The following ACTN1 variants were observed in gnomAD, a reference collection of about 807,000 sequenced individuals.
The protein encoded by ACTN1 is alpha-actinin-1.
Under a neutral mutation model 119.6 loss-of-function variants are expected in ACTN1, and 30 were observed. That is an observed-to-expected ratio of 0.25 (90% confidence interval 0.19 to 0.34). ACTN1 has a LOEUF of 0.34. Ranked by LOEUF, ACTN1 falls within the 10% of genes least tolerant of loss-of-function variation. The probability of loss-of-function intolerance (pLI) is 1.00; values close to 1 mark genes in which losing one functional copy is unlikely to be tolerated. For missense variants in ACTN1, 764 were observed against 1,223.4 expected (o/e 0.62, Z 5.60); for synonymous variants, 429 against 472.6 (o/e 0.91, Z 1.20).
chr14:68,883,024 G>A lies in ACTN1; in HGVS notation c.1667C>T (p.Ala556Val), dbSNP rs995103995. The change falls in exon 15 of 22, where the codon GCC becomes GTC. Residue 556 changes from alanine (A) to valine (V), a missense_variant. Ala to Val is a moderately conservative substitution (Grantham distance 64). Transcript: ENST00000394419. ...CTCCTTGTCGGCATCAGGGAGGGTG[G>A]CCTTGAACTGCTCATGGGCTGTGGT... is the stretch of plus-strand genomic sequence containing the variant. ...GLTTAHEQFK[A>V]TLPDADKERL... 6.2e-7 allele frequency: 1 copy of A among 1,614,206 alleles called. No homozygotes were observed. The highest frequency in any genetic ancestry group is 1.1e-5 in the South Asian group (1 of 91,088).
intron 8 of ACTN1, among the ~76,000 whole-genome samples, chr14:68,899,207 C>T (rs2033118407): frequency 7.0e-6 from 1 of 142,478 alleles, no homozygotes; most frequent in African/African-American, 2.6e-5. Flanking sequence ...ACACTATACC[C>T]CTCCACACCA....
rs1334365813 is a variant in ACTN1 at position 68,880,163 on chromosome 14, C to T, written c.2134-55G>A. The T allele has an allele frequency of 3.2e-6, 5 of 1,586,184 alleles. No homozygotes were observed. Among genetic ancestry groups the T allele is most frequent in the South Asian group, 2.3e-5 (2 of 88,780 alleles). The stretch of plus-strand genomic sequence containing the variant: ...AGGGGTCCCAGGCCTGGGCTCCTGG[C>T]GGCCCCTGCCCATCCTACTCCCCAA... On this transcript the variant is annotated intron_variant, in intron 17 of 21. Transcript: ENST00000394419. This position sits in a 1 kb window ranked among gnomAD's most constrained non-coding sequence, Gnocchi z 4.6.
At chr14:68,966,389 T>C (rs570582406) in intron 1 of ACTN1, among the ~76,000 whole-genome samples, 54 of 151,986 alleles carry the variant, frequency 3.6e-4, no homozygotes, top group Non-Finnish European at 2.1e-4. Context: ...CATCCTACCA[T>C]CCAATTTCTC....
chr14:68,904,312 G>C (rs1480522598), intron 7 of ACTN1, among the ~76,000 whole-genome samples: 1 of 152,048 alleles, frequency 6.6e-6, no homozygotes, highest in Non-Finnish European at 1.5e-5. Flanking sequence ...TCTCAGCAAG[G>C]GAAACTTCCC....
At chr14:68,913,911 G>T (rs2034144185) in intron 3 of ACTN1, among the ~76,000 whole-genome samples, 2 of 152,134 alleles carry the variant, frequency 1.3e-5, no homozygotes, top group South Asian at 4.2e-4. Flanking sequence ...TTGTGGGGAG[G>T]TAGTACTACT....
intron 20 of ACTN1, chr14:68,877,473 T>G: frequency 1.9e-6 from 1 of 525,992 alleles, no homozygotes; most frequent in Non-Finnish European, 3.4e-6. Flanking sequence ...TTAGAGCAAA[T>G]AATCATGTTG....
intron 8 of ACTN1, among the ~76,000 whole-genome samples, chr14:68,901,881 G>A (rs1325663938): frequency 6.6e-6 from 1 of 152,216 alleles, no homozygotes; most frequent in Non-Finnish European, 1.5e-5. Flanking sequence ...CTTCCTCCCA[G>A]AGGTTCTGCT....
intron 21 of ACTN1, among the ~76,000 whole-genome samples, chr14:68,875,338 A>T (rs1485839042): frequency 6.6e-6 from 1 of 152,254 alleles, no homozygotes; most frequent in African/African-American, 2.4e-5. Flanking sequence ...GTGCTGGAGC[A>T]GTATCAGCAG....
chr14:68,901,408 C>T (rs1426177861), intron 8 of ACTN1, among the ~76,000 whole-genome samples: 5 of 151,882 alleles, frequency 3.3e-5, no homozygotes, highest in Non-Finnish European at 5.9e-5. Context: ...CTATCACACC[C>T]GGCTAATTTT....
intron 1 of ACTN1, among the ~76,000 whole-genome samples, chr14:68,960,762 AAAATT>A (rs1300163487): frequency 6.6e-6 from 1 of 151,984 alleles, no homozygotes; most frequent in Non-Finnish European, 1.5e-5. Flanking sequence ...AAAAAAAAAA[AAAATT>A]AAACAACAAA....
chr14:68,890,279 T>A lies in ACTN1; in HGVS notation c.1094A>T (p.Asn365Ile), dbSNP rs751585726. 6.2e-7 allele frequency: 1 copy of A among 1,614,166 alleles called. No homozygotes were observed. The highest frequency in any genetic ancestry group is 8.5e-7 in the Non-Finnish European group (1 of 1,180,006). Residue 365 changes from asparagine to isoleucine, a missense_variant, in exon 11 of 22, where the codon AAC (asparagine) becomes ATC (isoleucine). Asn to Ile is a moderately radical substitution (Grantham distance 149). This residue lies in a region of ACTN1 where 544 missense variants were observed against 912.0 expected (regional missense o/e 0.60). Coordinates refer to ENST00000394419, the MANE Select transcript of ACTN1 (RefSeq NM_001130004.2). ...PSEGRMVSDI[N>I]NAWGCLEQVE... Reference sequence around the variant, plus strand: ...CTGCTCCAGGCAGCCCCAGGCATTGTTGATGTCCTGTGGGGATGGGAGGTA... The same window carrying A: ...CTGCTCCAGGCAGCCCCAGGCATTGATGATGTCCTGTGGGGATGGGAGGTA...
intron 1 of ACTN1, chr14:68,978,086 C>G (rs1445101026): frequency 1.8e-5 from 8 of 455,140 alleles, no homozygotes; most frequent in Non-Finnish European, 3.5e-5. Context: ...TGGCGGGGCG[C>G]GCACCCGGCA....
chr14:68,881,863 G>C (rs2031540241), intron 16 of ACTN1, among the ~76,000 whole-genome samples: 1 of 151,638 alleles, frequency 6.6e-6, no homozygotes, highest in Non-Finnish European at 1.5e-5. Flanking sequence ...TGATCAACAA[G>C]AGACATCAAG....
In ACTN1 at chr14:68,905,993, A is replaced by C. The variant is rs555428893; in HGVS notation, c.595-1257T>G. Among the ~76,000 whole-genome samples the C allele has an allele frequency of 9.2e-5, 14 of 152,016 alleles. No individual in the cohort carries two copies. In the South Asian group the frequency reaches 2.1e-3, roughly 23 times the overall value. On this transcript the variant is annotated intron_variant, in intron 6 of 21. Transcript: ENST00000394419. Reference sequence around the variant, plus strand: ...GCAAGACCTCGTCTCAAAAAAAAAAAAAAAAACAGCAAACACCATATGGCT... The same window carrying C: ...GCAAGACCTCGTCTCAAAAAAAAAACAAAAAACAGCAAACACCATATGGCT...
rs143571896 is a variant in ACTN1 at position 68,932,886 on chromosome 14, CCT to C, written c.106-7216_106-7215del. Among the ~76,000 whole-genome samples the C allele has an allele frequency of 5.8e-3, 878 of 152,254 alleles. 8 individuals carry two copies. The highest frequency in any genetic ancestry group is 0.02 in the African/African-American group (820 of 41,522). ...CAAGCTATGACAAGCAAAATTCACC[CCT>C]CAGTTCCTCATCTGGAGGAGACAAA... On this transcript the variant is annotated intron_variant, in intron 1 of 21. Coordinates refer to ENST00000394419, the MANE Select transcript of ACTN1 (RefSeq NM_001130004.2).
At chr14:68,946,661 T>C (rs2035957965) in intron 1 of ACTN1, among the ~76,000 whole-genome samples, 1 of 152,128 alleles carries the variant, frequency 6.6e-6, no homozygotes, top group Non-Finnish European at 1.5e-5. Flanking sequence ...AGGCCCCACA[T>C]GCTCACTGGG....
chr14:68,933,527 G>A (rs1363908011), intron 1 of ACTN1, among the ~76,000 whole-genome samples: 1 of 152,154 alleles, frequency 6.6e-6, no homozygotes, highest in Non-Finnish European at 1.5e-5. Context: ...TGGCTATCCT[G>A]AAATACAAGT....
chr14:68,899,148 C>T, intron 8 of ACTN1, among the ~76,000 whole-genome samples: 1 of 147,398 alleles, frequency 6.8e-6, no homozygotes, highest in Non-Finnish European at 1.5e-5. Context: ...CCTCACCCTA[C>T]ACCTCACACC....
intron 1 of ACTN1, among the ~76,000 whole-genome samples, chr14:68,938,593 C>G (rs1001727959): frequency 1.2e-4 from 18 of 152,172 alleles, no homozygotes; most frequent in Non-Finnish European, 2.5e-4. Flanking sequence ...AATGTTAACC[C>G]AGCAGGTCCT....
Sources: allele counts gnomAD v4.1 joint callset (sites outside exome capture counted in the v4.1 genomes callset), GRCh38; gene constraint gnomAD v4.1.1; regional missense constraint gnomAD v4.1.1; non-coding constraint Gnocchi (gnomAD v3.1); transcripts MANE v1.5; gene names NCBI Gene and HGNC (gene_info 2026-07-23, HGNC 2026-07-21).